Variants in CHSY3 observed in about 807,000 individuals in gnomAD.
The protein encoded by CHSY3 is N-acetylgalactosaminyl-proteoglycan 3-beta-glucuronosyltransferase 3.
A neutral mutation model predicts 67.2 loss-of-function variants in CHSY3; 35 were observed. The ratio of observed to expected loss-of-function variants is 0.52; its 90% confidence interval spans 0.40 to 0.69. CHSY3 has a LOEUF of 0.69. CHSY3 is among the 30% of genes least tolerant of loss of function. The pLI is 0.00. For missense variants in CHSY3, 1,069 were observed against 1,138.5 expected (o/e 0.94, Z 0.88); for synonymous variants, 474 against 434.7 (o/e 1.09, Z -1.12).
intron 2 of CHSY3, among the ~76,000 whole-genome samples, chr5:129,922,187 A>G (rs1051233949): frequency 1.3e-5 from 2 of 152,242 alleles, no homozygotes; most frequent in Non-Finnish European, 2.9e-5. Flanking sequence ...ATGGCTGAAC[A>G]GTACTCCATT....
intron 2 of CHSY3, among the ~76,000 whole-genome samples, chr5:130,130,217 T>C (rs1189188387): frequency 6.6e-6 from 1 of 152,156 alleles, no homozygotes; most frequent in Non-Finnish European, 1.5e-5. Flanking sequence ...TCTCTTTCTC[T>C]CTCTCCTATT....
intron 2 of CHSY3, among the ~76,000 whole-genome samples, chr5:130,090,147 C>G (rs562862732): frequency 6.6e-6 from 1 of 152,264 alleles, no homozygotes; most frequent in East Asian, 1.9e-4. Flanking sequence ...CTCAGGCCTG[C>G]TTTAGCTTCT....
intron 2 of CHSY3, among the ~76,000 whole-genome samples, chr5:129,909,917 C>A (rs1300711791): frequency 6.6e-6 from 1 of 151,848 alleles, no homozygotes; most frequent in Non-Finnish European, 1.5e-5. Flanking sequence ...TACTTTATTA[C>A]CTTAACATAA....
At chr5:129,949,207 A>G (rs1203315440) in intron 2 of CHSY3, among the ~76,000 whole-genome samples, 1 of 152,188 alleles carries the variant, frequency 6.6e-6, no homozygotes, top group Non-Finnish European at 1.5e-5. Flanking sequence ...GGGGACTTCA[A>G]TACTCCATTG....
intron 2 of CHSY3, among the ~76,000 whole-genome samples, chr5:130,145,293 C>T (rs1769039349): frequency 6.6e-6 from 1 of 152,096 alleles, no homozygotes. Flanking sequence ...ACATAGTTCA[C>T]ACAGCTATGT....
chr5:129,984,541 C>T (rs558080021), intron 2 of CHSY3, among the ~76,000 whole-genome samples: 82 of 152,176 alleles, frequency 5.4e-4, no homozygotes, highest in African/African-American at 1.3e-3. Flanking sequence ...GTATATGCCC[C>T]GCAATGGGAT....
At chr5:130,110,311 C>T (rs1015389814) in intron 2 of CHSY3, among the ~76,000 whole-genome samples, 1 of 151,946 alleles carries the variant, frequency 6.6e-6, no homozygotes, top group African/African-American at 2.4e-5. Context: ...CCATAAAGAG[C>T]TCTGTTTTAG....
intron 2 of CHSY3, among the ~76,000 whole-genome samples, chr5:129,920,480 G>C (rs539208144): frequency 6.6e-6 from 1 of 152,082 alleles, no homozygotes; most frequent in Admixed American, 6.5e-5. Flanking sequence ...TCCTGATCTC[G>C]TGATCCACCC....
chr5:130,163,081 A>G (rs1035724308), intron 2 of CHSY3, among the ~76,000 whole-genome samples: 1 of 152,168 alleles, frequency 6.6e-6, no homozygotes. Flanking sequence ...CCCATGAAGA[A>G]AATAAATAAA....
intron 2 of CHSY3, among the ~76,000 whole-genome samples, chr5:130,112,426 G>A (rs1767618292): frequency 6.6e-6 from 1 of 152,046 alleles, no homozygotes. Context: ...TAAACCTGGA[G>A]TCTGGCCCGA....
At chr5:130,067,641 G>A (rs1765925486) in intron 2 of CHSY3, among the ~76,000 whole-genome samples, 1 of 152,074 alleles carries the variant, frequency 6.6e-6, no homozygotes, top group Non-Finnish European at 1.5e-5. Flanking sequence ...AGAAGGTCCA[G>A]GGAAAGCAGT....
intron 2 of CHSY3, among the ~76,000 whole-genome samples, chr5:130,108,283 C>T (rs1454652704): frequency 6.6e-6 from 1 of 151,530 alleles, no homozygotes; most frequent in Admixed American, 6.6e-5. Context: ...CTCATATTGG[C>T]ATTTCCATGC....
chr5:129,907,575 A>G (rs1010929211), intron 1 of CHSY3, among the ~76,000 whole-genome samples: 17 of 152,212 alleles, frequency 1.1e-4, no homozygotes, highest in African/African-American at 3.9e-4. Context: ...AAATTTCAAG[A>G]CAGGTTTGAT....
In CHSY3 at chr5:129,904,969, A is replaced by C; in HGVS notation, c.140A>C (p.Tyr47Ser). The C allele has an allele frequency of 6.4e-7, 1 of 1,566,392 alleles. No individual in the cohort carries two copies. The highest frequency in any genetic ancestry group is 2.3e-5 in the East Asian group (1 of 42,670). ...AGACGTGGCTCCAGCCTCTGCTCCT[A>C]CTACGGTCGCTCTGCTGCTGGCCCC... The part of the protein sequence containing the change: ...RKRRGSSLCS[Y>S]YGRSAAGPRA... Residue 47 changes from tyrosine (Y) to serine (S), a missense_variant, in exon 1 of 3, where the codon TAC becomes TCC. By Grantham distance (144) the Tyr-to-Ser change is moderately radical (BLOSUM62 -2). Transcript: ENST00000305031.
intron 2 of CHSY3, among the ~76,000 whole-genome samples, chr5:130,099,958 A>G (rs1384408151): frequency 1.3e-5 from 2 of 151,918 alleles, no homozygotes; most frequent in African/African-American, 4.8e-5. Flanking sequence ...GTCCCTGGGT[A>G]TCTTGTCTCC....
intron 2 of CHSY3, among the ~76,000 whole-genome samples, chr5:129,956,718 G>A (rs1227310078): frequency 2.0e-5 from 3 of 151,956 alleles, no homozygotes; most frequent in Admixed American, 1.3e-4. Context: ...ATTGAATAGG[G>A]AGTATGTCCT....
chr5:130,006,952 C>T (rs1415757981), intron 2 of CHSY3, among the ~76,000 whole-genome samples: 2 of 152,158 alleles, frequency 1.3e-5, no homozygotes, highest in Non-Finnish European at 2.9e-5. Flanking sequence ...ACCTCGGAAT[C>T]TTGTTAAAAT....
intron 2 of CHSY3, among the ~76,000 whole-genome samples, chr5:129,926,735 C>T (rs975245103): frequency 1.3e-5 from 2 of 151,514 alleles, no homozygotes; most frequent in African/African-American, 2.4e-5. Flanking sequence ...TGTTATTGAG[C>T]GTTTGCTCTT....
At chr5:130,063,702 G>T (rs1765785483) in intron 2 of CHSY3, among the ~76,000 whole-genome samples, 1 of 152,096 alleles carries the variant, frequency 6.6e-6, no homozygotes, top group South Asian at 2.1e-4. Flanking sequence ...AGTTCTGGAG[G>T]TTGATAAGTC....
Sources: allele counts gnomAD v4.1 joint callset (sites outside exome capture counted in the v4.1 genomes callset), GRCh38; gene constraint gnomAD v4.1.1; transcripts MANE v1.5; gene names NCBI Gene and HGNC (gene_info 2026-07-23, HGNC 2026-07-21).